Variants in OR3A2 observed in about 807,000 individuals in gnomAD.
OR3A2 encodes the protein olfactory receptor 3A2.
For missense variants in OR3A2, 318 were observed against 392.8 expected (o/e 0.81, Z 1.61); for synonymous variants, 126 against 159.3 (o/e 0.79, Z 1.57).
At chr17:3,327,926 T>C (rs2049191247) in intron 3 of OR3A2, among the ~76,000 whole-genome samples, 1 of 122,592 alleles carries the variant, frequency 8.2e-6, no homozygotes, top group South Asian at 2.5e-4. Flanking sequence ...ATCTCTGTTT[T>C]GGTACCAGTA....
At chr17:3,354,569 T>C (rs2049448617) in intron 2 of OR3A2, among the ~76,000 whole-genome samples, 1 of 151,408 alleles carries the variant, frequency 6.6e-6, no homozygotes, top group Non-Finnish European at 1.5e-5. Flanking sequence ...TAGTAGTCAC[T>C]AATGATCCTT....
chr17:3,342,314 G>A (rs747001397), intron 2 of OR3A2, among the ~76,000 whole-genome samples: 6 of 152,144 alleles, frequency 3.9e-5, no homozygotes, highest in African/African-American at 4.8e-5. Context: ...TGTTGCTGGC[G>A]AGGAGCTGCA....
chr17:3,323,722 G>C (rs1336041047), intron 3 of OR3A2, among the ~76,000 whole-genome samples: 2 of 152,108 alleles, frequency 1.3e-5, no homozygotes, highest in African/African-American at 4.8e-5. Flanking sequence ...TCTGCTGAGA[G>C]ATCAGCTGTT....
At chr17:3,319,656 G>C (rs914480814) in intron 3 of OR3A2, among the ~76,000 whole-genome samples, 1 of 152,116 alleles carries the variant, frequency 6.6e-6, no homozygotes, top group African/African-American at 2.4e-5. Flanking sequence ...TTAGTTTGCT[G>C]AGAATGATGG....
chr17:3,381,106 G>T (rs1463133003), intron 2 of OR3A2, among the ~76,000 whole-genome samples: 1 of 152,018 alleles, frequency 6.6e-6, no homozygotes, highest in Non-Finnish European at 1.5e-5. Context: ...CTGAGTGTTT[G>T]TATGTGCCCA....
At chr17:3,373,937 C>A (rs187384555) in intron 2 of OR3A2, among the ~76,000 whole-genome samples, 7 of 152,190 alleles carry the variant, frequency 4.6e-5, no homozygotes, top group Admixed American at 3.9e-4. Context: ...TGTTGTATTA[C>A]AAAGTTTTAT....
intron 1 of OR3A2, among the ~76,000 whole-genome samples, chr17:3,283,919 T>C (rs116186722): frequency 0.024 from 2,736 of 112,766 alleles, 14 homozygotes; most frequent in South Asian, 0.047. Flanking sequence ...CACCGAGACA[T>C]CCAGAGGGTC....
chr17:3,383,251 G>T (rs1023865003), intron 2 of OR3A2, among the ~76,000 whole-genome samples: 6 of 152,298 alleles, frequency 3.9e-5, no homozygotes, highest in Admixed American at 1.3e-4. Flanking sequence ...GACTTCAGCT[G>T]AGATTAAGAA....
chr17:3,378,632 G>A (rs901811391), intron 2 of OR3A2, among the ~76,000 whole-genome samples: 6 of 152,004 alleles, frequency 3.9e-5, no homozygotes, highest in African/African-American at 7.3e-5. Context: ...AGCCCTGGCC[G>A]CACCTCCCCT....
chr17:3,332,665 G>A (rs970362710), intron 3 of OR3A2, among the ~76,000 whole-genome samples: 7 of 152,198 alleles, frequency 4.6e-5, no homozygotes, highest in African/African-American at 7.2e-5. Flanking sequence ...CGTCTTCTGC[G>A]TCGCTCACGC....
chr17:3,314,015 T>G (rs2049062235), intron 3 of OR3A2, among the ~76,000 whole-genome samples: 1 of 152,238 alleles, frequency 6.6e-6, no homozygotes, highest in African/African-American at 2.4e-5. Context: ...GAGAAAATTT[T>G]TTAAAGATAA....
At chr17:3,368,237 A>G (rs1356663681) in intron 2 of OR3A2, among the ~76,000 whole-genome samples, 1 of 152,170 alleles carries the variant, frequency 6.6e-6, no homozygotes, top group African/African-American at 2.4e-5. Context: ...TTTTTAGTTT[A>G]ATTAAATACC....
intron 2 of OR3A2, among the ~76,000 whole-genome samples, chr17:3,368,912 C>T (rs570217934): frequency 6.6e-6 from 1 of 152,280 alleles, no homozygotes; most frequent in African/African-American, 2.4e-5. Flanking sequence ...ATATTTCTTT[C>T]AGCAGTGTTT....
exon 2 of OR3A2, chr17:3,277,585 A>C (rs2048747230): frequency 5.7e-6 from 1 of 173,948 alleles, no homozygotes; most frequent in East Asian, 1.4e-4. Flanking sequence ...AAACAGGGTA[A>C]AACTTGCACA....
At chr17:3,375,690 A>G (rs2049677513) in intron 2 of OR3A2, among the ~76,000 whole-genome samples, 1 of 152,142 alleles carries the variant, frequency 6.6e-6, no homozygotes. Flanking sequence ...CTATATTACC[A>G]GAATTACTTT....
At chr17:3,330,199 G>T (rs917108950) in intron 3 of OR3A2, among the ~76,000 whole-genome samples, 12 of 151,414 alleles carry the variant, frequency 7.9e-5, no homozygotes, top group Non-Finnish European at 1.6e-4. Context: ...TTGATTTGGG[G>T]TGGAGAGTTC....
chr17:3,284,866 G>A (rs1301904879), upstream of OR3A2, among the ~76,000 whole-genome samples: 1 of 144,082 alleles, frequency 6.9e-6, no homozygotes, highest in Non-Finnish European at 1.5e-5. Flanking sequence ...CATTTGAGCA[G>A]AAACAAGCCA....
At chr17:3,284,096 T>C (rs1356650645) in intron 1 of OR3A2, among the ~76,000 whole-genome samples, 2 of 148,940 alleles carry the variant, frequency 1.3e-5, no homozygotes, top group African/African-American at 5.0e-5. Context: ...CCCCGCTGCC[T>C]GATGCAGTGG....
intron 3 of OR3A2, among the ~76,000 whole-genome samples, chr17:3,307,761 G>T (rs2049009259): frequency 6.6e-6 from 1 of 152,134 alleles, no homozygotes; most frequent in African/African-American, 2.4e-5. Context: ...GATGGGAGGT[G>T]ACCTTGTGAG....
Sources: allele counts gnomAD v4.1 joint callset (sites outside exome capture counted in the v4.1 genomes callset), GRCh38; gene constraint gnomAD v4.1.1; transcripts MANE v1.5; gene names NCBI Gene and HGNC (gene_info 2026-07-23, HGNC 2026-07-21).